NSD1: variants seen among roughly 807,000 people sequenced by gnomAD.
The protein encoded by NSD1 is histone-lysine N-methyltransferase, H3 lysine-36 specific.
A neutral mutation model predicts 242.7 loss-of-function variants in NSD1; 26 were observed. The observed-to-expected ratio is 0.11, with a 90% CI of 0.08 to 0.15. The LOEUF (loss-of-function observed/expected upper bound fraction) is 0.15, where lower values mean the gene tolerates loss of function less well. Among genes scored for constraint, NSD1 ranks in the 10% least tolerant of loss-of-function variants. The pLI is 1.00. For synonymous variants in NSD1, 1,106 were observed against 1,178.1 expected (o/e 0.94, Z 1.25); for missense variants, 2,495 against 3,272.8 (o/e 0.76, Z 5.80).
rs1763373323 is a variant in NSD1, at chr5:177,211,884, G to C, written c.3485G>C (p.Arg1162Pro). The change falls in exon 5 of 23, where the codon CGT becomes CCT. Residue 1162 changes from arginine (R) to proline (P), a missense_variant. This residue lies in a region of NSD1 where 426 missense variants were observed against 411.4 expected (regional missense o/e 1.04). Coordinates refer to ENST00000439151, the MANE Select transcript of NSD1 (RefSeq NM_022455.5). ...GTGGTGCCTAAAAAGCGGTGGCAGC[G>C]TTTAAACCAAAGGCGCACTAAACCT... is the stretch of plus-strand genomic sequence containing the variant. ...NQVVPKKRWQ[R>P]LNQRRTKPRK... is the part of the protein sequence containing the mutation. 1 of 1,611,506 alleles carries C rather than the reference G, an allele frequency of 6.2e-7. No homozygotes were observed. Among genetic ancestry groups the C allele is most frequent in the South Asian group, 1.1e-5 (1 of 90,724 alleles).
At chr5:177,136,056 A>G (rs767579687) in intron 2 of NSD1, 26 bp downstream of exon 2, 6 of 1,560,136 alleles carry the variant, frequency 3.8e-6, no homozygotes, top group Non-Finnish European at 5.3e-6. Flanking sequence ...TACAACTTAA[A>G]TATATACATA....
intron 2 of NSD1, among the ~76,000 whole-genome samples, chr5:177,191,326 C>T (rs935803721): frequency 6.6e-6 from 1 of 152,074 alleles, no homozygotes; most frequent in Non-Finnish European, 1.5e-5. Flanking sequence ...GAATTCTTTG[C>T]TGTTTTCTCT....
intron 2 of NSD1, chr5:177,136,295 T>G (rs535017116): frequency 2.6e-6 from 1 of 391,540 alleles, no homozygotes; most frequent in South Asian, 3.1e-5. Flanking sequence ...GAGTTCAGGT[T>G]TAATTTCTCA....
chr5:177,282,731 T>G (rs1758991027), intron 19 of NSD1, 150 bp downstream of exon 19: 1 of 728,532 alleles, frequency 1.4e-6, no homozygotes, highest in Non-Finnish European at 2.5e-6. Flanking sequence ...CTGGAGTAGG[T>G]AAGAGTGCTC....
intron 2 of NSD1, among the ~76,000 whole-genome samples, chr5:177,152,355 A>G (rs145384727): frequency 1.3e-5 from 2 of 149,518 alleles, no homozygotes; most frequent in African/African-American, 5.0e-5. Flanking sequence ...GTATGTATGT[A>G]TGTATGTTTG....
intron 2 of NSD1, among the ~76,000 whole-genome samples, chr5:177,158,539 C>G (rs557091827): frequency 1.5e-4 from 23 of 151,934 alleles, no homozygotes; most frequent in Non-Finnish European, 2.5e-4. Context: ...GGTTTCACCA[C>G]ATTGGCCAGG....
chr5:177,174,361 C>T (rs1468926817), intron 2 of NSD1, among the ~76,000 whole-genome samples: 8 of 152,052 alleles, frequency 5.3e-5, no homozygotes, highest in Non-Finnish European at 7.4e-5. Context: ...TACAGGCGCA[C>T]GCCACCTTGC....
At chr5:177,283,547 A>G (rs1272724123) in intron 19 of NSD1, among the ~76,000 whole-genome samples, 1 of 152,176 alleles carries the variant, frequency 6.6e-6, no homozygotes, top group East Asian at 1.9e-4. Context: ...TGCACCCCAC[A>G]GTCTCTGCTT....
chr5:177,146,080 TAA>T (rs79707078), intron 2 of NSD1, among the ~76,000 whole-genome samples: 1 of 143,384 alleles, frequency 7.0e-6, no homozygotes. Flanking sequence ...CCCTGTCTCT[TAA>T]AAAAAAAAAA....
At chr5:177,143,281 ATTT>A (rs1380648151) in intron 2 of NSD1, among the ~76,000 whole-genome samples, 1 of 151,510 alleles carries the variant, frequency 6.6e-6, no homozygotes, top group East Asian at 1.9e-4. Context: ...TCATGCATTA[ATTT>A]TTTTCTCCAT....
intron 14 of NSD1, chr5:177,266,196 A>C (rs1016636321): frequency 9.8e-7 from 1 of 1,020,516 alleles, no homozygotes; most frequent in African/African-American, 1.6e-5. Flanking sequence ...AGAGGCAGTT[A>C]GCCCATCCAC....
chr5:177,261,452 A>G (rs1756996370), intron 14 of NSD1, among the ~76,000 whole-genome samples: 1 of 151,832 alleles, frequency 6.6e-6, no homozygotes, highest in South Asian at 2.1e-4. Flanking sequence ...TTTCTTTTCT[A>G]TCCTTATCAT....
intron 2 of NSD1, among the ~76,000 whole-genome samples, chr5:177,142,290 A>C (rs1015044816): frequency 6.6e-6 from 1 of 152,210 alleles, no homozygotes; most frequent in African/African-American, 2.4e-5. Context: ...TGAGCCAGGC[A>C]CTGCCAGTAT....
In NSD1 at chr5:177,246,810, C is replaced by G; in HGVS notation, c.4497+14C>G. 1 of 1,571,434 alleles carries G rather than the reference C, an allele frequency of 6.4e-7. No individual in the cohort carries two copies. Among genetic ancestry groups the G allele is most frequent in the East Asian group, 2.2e-5 (1 of 44,612 alleles). ...CCAGGCTCAGAGGTATTACTCAGTTCCTGATCTTTTCACCTTCTAAAGAGA... is the reference window on the plus strand; with the variant it reads ...CCAGGCTCAGAGGTATTACTCAGTTGCTGATCTTTTCACCTTCTAAAGAGA... On this transcript the variant is annotated intron_variant, in intron 10 of 22. Coordinates refer to ENST00000439151, the MANE Select transcript of NSD1 (RefSeq NM_022455.5).
At position 177,299,286 on chromosome 5, in the gene NSD1, T is replaced by C. The variant is rs118177896; in HGVS notation, c.*3827T>C. On this transcript the variant is annotated 3_prime_UTR_variant, in exon 23 of 23. Transcript: ENST00000439151. ...CCCGGGTTCCTGTTTGGGAGGAGAT[T>C]TTATGTAGAAAAGTTTGAGGCTTTG... 2.3e-3 allele frequency: 541 copies of C among 233,110 alleles called. 9 individuals carry two copies. The East Asian group carries it at 0.031, about 13-fold the overall frequency. The allele number at this position is 233,110 out of a possible 1,614,324, so 14.4% of individuals were successfully genotyped here. A position where few individuals can be genotyped will look rare whatever the true frequency, so the allele number is the denominator to read the frequency against.
chr5:177,163,064 G>T (rs577694327), intron 2 of NSD1, among the ~76,000 whole-genome samples: 1 of 151,864 alleles, frequency 6.6e-6, no homozygotes, highest in South Asian at 2.1e-4. Flanking sequence ...GCCTTCAAAA[G>T]TAAATGTGAA....
Position 177,291,947 on chromosome 5 carries a change from C to T in NSD1, c.6259-7C>T. 1 of 1,612,804 alleles carries T rather than the reference C, an allele frequency of 6.2e-7. No individual in the cohort carries two copies. The highest frequency in any genetic ancestry group is 8.5e-7 in the Non-Finnish European group (1 of 1,179,266). ...AGAATGCTGACTGTTCAATATCTGACCTGTAGAATCAACCCATTGCCACGG... is the reference window on the plus strand; with the variant it reads ...AGAATGCTGACTGTTCAATATCTGATCTGTAGAATCAACCCATTGCCACGG... On this transcript the variant is annotated splice_polypyrimidine_tract_variant and splice_region_variant and intron_variant, in intron 21 of 22. Transcript: ENST00000439151.
At chr5:177,263,134 C>T (rs766428692) in intron 14 of NSD1, among the ~76,000 whole-genome samples, 28 of 152,256 alleles carry the variant, frequency 1.8e-4, no homozygotes, top group Non-Finnish European at 2.5e-4. Flanking sequence ...ACCTTAGGCA[C>T]ATGTTGCCAG....
At chr5:177,220,985 T>C (rs761083315) in intron 5 of NSD1, 1 of 453,574 alleles carries the variant, frequency 2.2e-6, no homozygotes, top group South Asian at 1.6e-5. Flanking sequence ...TGCCTCAGCC[T>C]CCTGAGTAGC....
Sources: allele counts gnomAD v4.1 joint callset (sites outside exome capture counted in the v4.1 genomes callset), GRCh38; gene constraint gnomAD v4.1.1; regional missense constraint gnomAD v4.1.1; transcripts MANE v1.5; gene names NCBI Gene and HGNC (gene_info 2026-07-23, HGNC 2026-07-21).